The following FCRLB variants were observed in gnomAD, a reference collection of about 807,000 sequenced individuals.
FCRLB encodes the protein Fc receptor like B.
In FCRLB, 34 loss-of-function variants were observed where a neutral mutation model predicts 33.6. The observed-to-expected ratio is 1.01, with a 90% confidence interval of 0.77 to 1.35. The LOEUF is 1.35. Among genes scored for constraint, FCRLB ranks in the 40% most tolerant of loss-of-function variants. The probability of loss-of-function intolerance (pLI) is 0.00; values close to 1 mark genes in which losing one functional copy is unlikely to be tolerated. For synonymous variants in FCRLB, 280 were observed against 255.9 expected (o/e 1.09, Z -0.90); for missense variants, 560 against 580.2 (o/e 0.97, Z 0.36).
chr1:161,726,279 T>A lies in FCRLB; in HGVS notation c.574+192T>A. ...GATCCGCCGCCTGCTTGGAGGCTGG[T>A]CCCTTTCCCCGACGCACATCCTGGC... On this transcript the variant is annotated intron_variant, in intron 6 of 7. Transcript: ENST00000367948. The surrounding 1 kb of genome is among the most constrained non-coding windows in gnomAD (Gnocchi z 5.2). 1 of 1,013,116 alleles carries A rather than the reference T, an allele frequency of 9.9e-7. No individual in the cohort carries two copies. The highest frequency in any genetic ancestry group is 1.5e-6 in the Non-Finnish European group (1 of 669,758). 62.8% of individuals were successfully genotyped at this position (1,013,116 alleles called of 1,614,324 possible).
chr1:161,725,431 A>C (rs3738334), intron 5 of FCRLB, among the ~76,000 whole-genome samples: 23,788 of 152,138 alleles, frequency 0.16, 2,398 homozygotes, highest in East Asian at 0.51. Context: ...ACCTGAGGTC[A>C]GGAGTTCAAG....
In FCRLB at chr1:161,722,950, T is replaced by C. The variant is rs1332254706; in HGVS notation, c.32-39T>C. On this transcript the variant is annotated intron_variant, in intron 3 of 7. Transcript: ENST00000367948. ...GTCTCTCTCCTCTCATCGCCAATAT[T>C]CTCCTTCTCCTTCCTCTTCCTTCTT... The C allele has an allele frequency of 4.3e-6, 7 of 1,612,552 alleles. No homozygotes were observed. In the Admixed American group the frequency reaches 6.7e-5, roughly 15 times the overall value.
Position 161,726,342 on chromosome 1 carries a change from C to T in FCRLB, c.574+255C>T. ...CTGGGGACTCCCACAGAGAGGGCAG[C>T]TCTGGCAGGGGCAGGGGCCACTGTG... On this transcript the variant is annotated intron_variant, in intron 6 of 7. Transcript: ENST00000367948. This position sits in a 1 kb window ranked among gnomAD's most constrained non-coding sequence, Gnocchi z 5.2. The T allele has an allele frequency of 2.6e-6, 2 of 763,332 alleles. No homozygotes were observed. The highest frequency in any genetic ancestry group is 1.5e-5 in the South Asian group (1 of 67,992). 47.3% of individuals were successfully genotyped at this position (763,332 alleles called of 1,614,324 possible).
chr1:161,722,864 A>G, intron 3 of FCRLB, 125 bp from the exon 4 acceptor site: 8 of 1,504,766 alleles, frequency 5.3e-6, no homozygotes, highest in Non-Finnish European at 3.6e-6. Context: ...GAGCTTGGGA[A>G]ACCAGGGGCA....
At chr1:161,725,969 C>T (rs1683540548) in exon 6 of FCRLB, 1 of 1,614,166 alleles carries the variant, frequency 6.2e-7, no homozygotes, top group Non-Finnish European at 8.5e-7. Context: ...CCAGCGCCAA[C>T]TACACTGTGT....
intron 3 of FCRLB, 53 bp from the exon 4 acceptor site, chr1:161,722,936 C>G: frequency 1.2e-6 from 2 of 1,610,974 alleles, no homozygotes; most frequent in South Asian, 1.1e-5. Flanking sequence ...TCTCTCTCCT[C>G]TCATCGCCAA....
Position 161,726,953 on chromosome 1 carries a change from T to C in FCRLB, c.825T>C (p.Ser275=). The C allele has an allele frequency of 1.3e-6, 2 of 1,547,484 alleles. No individual in the cohort carries two copies. Among genetic ancestry groups the C allele is most frequent in the East Asian group, 4.6e-5 (2 of 43,260 alleles). Reference sequence around the variant, plus strand: ...GCGAGGCGGCTACCGCCACCCGCAGTGTCCGGAAACGCAGTCCGTGGCTGC... The same window carrying C: ...GCGAGGCGGCTACCGCCACCCGCAGCGTCCGGAAACGCAGTCCGTGGCTGC... Residue 275 remains serine (S), a synonymous_variant, in exon 7 of 8, where the codon AGT becomes AGC. Coordinates refer to ENST00000367948, the Ensembl canonical transcript of FCRLB. The surrounding 1 kb of genome is among the most constrained non-coding windows in gnomAD (Gnocchi z 5.2).
chr1:161,723,606 C>G (rs1043618584), exon 5 of FCRLB: 11 of 1,613,902 alleles, frequency 6.8e-6, no homozygotes, highest in Admixed American at 1.7e-5. Context: ...CCCCATCCAC[C>G]TCTCTGTATC....
At chr1:161,727,302 G>C (rs989619748) in exon 8 of FCRLB, 2 of 1,613,484 alleles carry the variant, frequency 1.2e-6, no homozygotes, top group African/African-American at 1.3e-5. Flanking sequence ...CCGCAGCCTT[G>C]GCTCCTGGTA....
Position 161,723,497 on chromosome 1 carries a change from G to A in FCRLB, c.183G>A (p.Trp61Ter), listed in dbSNP as rs367719903. Residue 61 changes from tryptophan (W) to a stop codon, truncating the protein, a stop_gained, in exon 5 of 8, where the codon TGG becomes TGA. Transcript: ENST00000367948. LOFTEE classifies it high-confidence loss of function. ...AGCTCCAGCCCATCAGCACTCTCTG[G>A]TATTTGGGCCACCTACTTCTGCCCT... is the stretch of plus-strand genomic sequence containing the variant. The A allele has an allele frequency of 1.8e-5, 29 of 1,614,152 alleles. No homozygotes were observed. Among genetic ancestry groups the A allele is most frequent in the Non-Finnish European group, 2.3e-5 (27 of 1,180,030 alleles).
At chr1:161,725,777 T>G in intron 5 of FCRLB, 44 bp from the exon 6 acceptor site, 1 of 1,557,194 alleles carries the variant, frequency 6.4e-7, no homozygotes, top group East Asian at 2.3e-5. Flanking sequence ...TCTCCAGGGC[T>G]GGACTTTCTG....
chr1:161,725,692 A>G lies in FCRLB; in HGVS notation c.308-129A>G, dbSNP rs1342045880. The G allele has an allele frequency of 1.5e-5, 17 of 1,121,434 alleles. No homozygotes were observed. The Admixed American group carries it at 2.3e-4, about 15-fold the overall frequency. 69.5% of individuals were successfully genotyped at this position (1,121,434 alleles called of 1,614,324 possible). A position where few individuals can be genotyped will look rare whatever the true frequency, so the allele number is the denominator to read the frequency against. ...AAAGAAAGAAAAAGAAAAGAAAAGA[A>G]AGCGGTGGGAGATGGCGGGGAAGGG... On this transcript the variant is annotated intron_variant, in intron 5 of 7. Coordinates refer to ENST00000367948, the Ensembl canonical transcript of FCRLB.
chr1:161,727,470 G>C (rs778464981), exon 8 of FCRLB: 4 of 1,613,970 alleles, frequency 2.5e-6, no homozygotes, highest in Non-Finnish European at 3.4e-6. Flanking sequence ...TGGAACAATC[G>C]GCTGGAGCCC....
In FCRLB at chr1:161,726,782, C is replaced by A; in HGVS notation, c.654C>A (p.Arg218=). Reference sequence around the variant, plus strand: ...CGGCGCTGGGTGGGGTGGTGCTGCGCTGCGACACGCGCCTGCACCCGCAGA... The same window carrying A: ...CGGCGCTGGGTGGGGTGGTGCTGCGATGCGACACGCGCCTGCACCCGCAGA... The change falls in exon 7 of 8, where the codon CGC becomes CGA. Residue 218 remains arginine, a synonymous_variant. Coordinates refer to ENST00000367948, the Ensembl canonical transcript of FCRLB. This position sits in a 1 kb window ranked among gnomAD's most constrained non-coding sequence, Gnocchi z 5.2. The A allele has an allele frequency of 6.4e-7, 1 of 1,572,334 alleles. No homozygotes were observed. The highest frequency in any genetic ancestry group is 8.6e-7 in the Non-Finnish European group (1 of 1,162,218).
At chr1:161,727,430 G>T (rs755070563) in exon 8 of FCRLB, 33 of 1,613,064 alleles carry the variant, frequency 2.0e-5, no homozygotes, top group Non-Finnish European at 2.8e-5. Flanking sequence ...CCGACTGCGG[G>T]GCCACCCGCC....
chr1:161,721,914 AG>A (rs1683386550), intron 2 of FCRLB, 64 bp downstream of exon 2: 1 of 152,180 alleles, frequency 6.6e-6, no homozygotes, highest in Non-Finnish European at 1.5e-5. Flanking sequence ...GGAGGAAGGA[AG>A]AAAAGAACAA....
chr1:161,723,210 G>T (rs894014433), intron 4 of FCRLB, among the ~76,000 whole-genome samples, 157 bp from the exon 5 acceptor site: 7 of 152,128 alleles, frequency 4.6e-5, no homozygotes, highest in African/African-American at 1.7e-4. Context: ...GTAACCCAAT[G>T]AATGTGATCT....
exon 8 of FCRLB, chr1:161,727,741 C>A: frequency 6.9e-7 from 1 of 1,449,466 alleles, no homozygotes; most frequent in South Asian, 1.4e-5. Flanking sequence ...CTTTCAAAGC[C>A]ATCTGTTTGC....
At chr1:161,723,819 A>G (rs1683455134) in intron 5 of FCRLB, among the ~76,000 whole-genome samples, 198 bp downstream of exon 5, 1 of 152,212 alleles carries the variant, frequency 6.6e-6, no homozygotes, top group Non-Finnish European at 1.5e-5. Flanking sequence ...CTAGCCCCCA[A>G]GGTCCCCTTA....
Sources: allele counts gnomAD v4.1 joint callset (sites outside exome capture counted in the v4.1 genomes callset), GRCh38; gene constraint gnomAD v4.1.1; non-coding constraint Gnocchi (gnomAD v3.1); transcripts MANE v1.5; gene names NCBI Gene and HGNC (gene_info 2026-07-23, HGNC 2026-07-21).